CSMD3: variants seen among roughly 807,000 people sequenced by gnomAD.
CSMD3 encodes CUB and sushi domain-containing protein 3.
Under a neutral mutation model 435.2 loss-of-function variants are expected in CSMD3, and 177 were observed. The ratio of observed to expected loss-of-function variants is 0.41; its 90% CI spans 0.36 to 0.46. The LOEUF (loss-of-function observed/expected upper bound fraction) is 0.46. Among genes scored for constraint, CSMD3 ranks in the 20% least tolerant of loss-of-function variants. The pLI is 0.34. For synonymous variants in CSMD3, 1,656 were observed against 1,520.5 expected, an observed-to-expected ratio of 1.09 and a Z score of -2.07; for missense variants, 4,265 against 4,504.6, an observed-to-expected ratio of 0.95 and a Z score of 1.52.
In CSMD3 at chr8:113,134,313, T is replaced by C. The variant is rs75303633; in HGVS notation, c.710-35350A>G. Among the ~76,000 whole-genome samples, 54 of 152,202 alleles carry C rather than the reference T, an allele frequency of 3.5e-4. 2 individuals are homozygous for C. The East Asian group carries it at 0.01, about 29-fold the overall frequency. On this transcript the variant is annotated intron_variant, in intron 4 of 70. Coordinates refer to ENST00000297405, the MANE Select transcript of CSMD3 (RefSeq NM_198123.2). ...GGAATGCTTCATGTAGGCTTGAGGC[T>C]TTTATTTTGATTTAAAAGGCTATGT...
intron 2 of CSMD3, among the ~76,000 whole-genome samples, chr8:113,283,048 C>G (rs2093623387): frequency 6.6e-6 from 1 of 152,060 alleles, no homozygotes; most frequent in Admixed American, 6.6e-5. Context: ...AAGAATGAAA[C>G]TGGATCCTCA....
intron 1 of CSMD3, among the ~76,000 whole-genome samples, chr8:113,415,417 A>G (rs983106505): frequency 1.3e-5 from 2 of 152,198 alleles, no homozygotes; most frequent in South Asian, 2.1e-4. Context: ...GCTATGATGA[A>G]CACTAAAAAG....
chr8:113,144,826 T>C (rs544446280), intron 4 of CSMD3, among the ~76,000 whole-genome samples: 11 of 151,572 alleles, frequency 7.3e-5, no homozygotes, highest in Non-Finnish European at 1.3e-4. Context: ...AACCAAGTCA[T>C]ACAATCCTGG....
At chr8:112,677,715 GATTGGACTTAAACAGTGTTACA>G (rs547833270) in intron 16 of CSMD3, among the ~76,000 whole-genome samples, 27 of 152,068 alleles carry the variant, frequency 1.8e-4, no homozygotes, top group African/African-American at 6.3e-4. Context: ...GGTGCTAGAG[GATTGGACTTAAACAGTGTTACA>G]CAACTTCACA....
At chr8:113,071,954 C>G (rs940919579) in intron 5 of CSMD3, among the ~76,000 whole-genome samples, 1 of 151,674 alleles carries the variant, frequency 6.6e-6, no homozygotes, top group Non-Finnish European at 1.5e-5. Flanking sequence ...CTCAGGAGAT[C>G]TTTTCATTTA....
intron 2 of CSMD3, among the ~76,000 whole-genome samples, chr8:113,308,425 C>T (rs1309862036): frequency 1.3e-5 from 2 of 151,698 alleles, no homozygotes; most frequent in Non-Finnish European, 2.9e-5. Context: ...CCCAACACCA[C>T]GCCCGGCTGA....
intron 1 of CSMD3, among the ~76,000 whole-genome samples, chr8:113,329,113 A>AT (rs2094007323): frequency 6.6e-6 from 1 of 151,792 alleles, no homozygotes; most frequent in African/African-American, 2.4e-5. Flanking sequence ...CATTTTAAAA[A>AT]TAAGTGGTTA....
At chr8:112,505,970 C>T (rs1010203202) in intron 29 of CSMD3, among the ~76,000 whole-genome samples, 6 of 152,048 alleles carry the variant, frequency 3.9e-5, no homozygotes, top group African/African-American at 1.4e-4. Context: ...AAACTAAGCC[C>T]TGTATCATCC....
chr8:112,731,650 A>G (rs1342828400), intron 13 of CSMD3, among the ~76,000 whole-genome samples: 8 of 152,082 alleles, frequency 5.3e-5, no homozygotes, highest in Non-Finnish European at 1.0e-4. Flanking sequence ...TCAAATGCCA[A>G]TCCTTATTGC....
At chr8:112,312,075 A>G (rs79174916) in intron 49 of CSMD3, among the ~76,000 whole-genome samples, 1,626 of 152,286 alleles carry the variant, frequency 0.011, 9 homozygotes, top group South Asian at 0.016. Context: ...AATACTTACA[A>G]TTGTTTAATT....
chr8:112,346,262 A>G (rs761144190), intron 40 of CSMD3, 49 bp from the exon 41 acceptor site: 1 of 1,089,022 alleles, frequency 9.2e-7, no homozygotes. Context: ...GGAATAATTT[A>G]CTGTATTAAA....
At chr8:112,727,199 T>C (rs947179093) in intron 13 of CSMD3, among the ~76,000 whole-genome samples, 1 of 151,804 alleles carries the variant, frequency 6.6e-6, no homozygotes, top group Non-Finnish European at 1.5e-5. Flanking sequence ...ACATTTCATA[T>C]ATTGTGTTAA....
chr8:112,721,786 T>C (rs969132350), intron 13 of CSMD3, among the ~76,000 whole-genome samples: 2 of 152,136 alleles, frequency 1.3e-5, no homozygotes, highest in East Asian at 1.9e-4. Context: ...CAACCAGCGA[T>C]TAGCCTCCCA....
chr8:112,327,672 T>C (rs1823633285), intron 45 of CSMD3, among the ~76,000 whole-genome samples: 1 of 152,136 alleles, frequency 6.6e-6, no homozygotes, highest in Admixed American at 6.6e-5. Context: ...CCCCACCAAC[T>C]TTTAAACACC....
intron 2 of CSMD3, among the ~76,000 whole-genome samples, chr8:113,280,419 C>T (rs1051180857): frequency 2.0e-5 from 3 of 151,762 alleles, no homozygotes; most frequent in Admixed American, 6.6e-5. Context: ...GGAATTTATC[C>T]GTCTCTTCTA....
At chr8:112,270,623 T>G (rs1817441533) in intron 59 of CSMD3, among the ~76,000 whole-genome samples, 1 of 152,174 alleles carries the variant, frequency 6.6e-6, no homozygotes, top group South Asian at 2.1e-4. Flanking sequence ...TTTGTTTAAA[T>G]GATTTTTTAT....
chr8:113,431,149 C>A (rs2094670304), intron 1 of CSMD3, among the ~76,000 whole-genome samples: 1 of 152,150 alleles, frequency 6.6e-6, no homozygotes, highest in Admixed American at 6.5e-5. Flanking sequence ...CGTGAATCAC[C>A]CACCTGCTCA....
intron 3 of CSMD3, among the ~76,000 whole-genome samples, chr8:113,202,676 T>G (rs543348671): frequency 6.6e-6 from 1 of 152,266 alleles, no homozygotes; most frequent in Admixed American, 6.6e-5. Context: ...CCATCATTCT[T>G]AGAACCTTAT....
chr8:112,643,639 AT>A (rs145568279), intron 20 of CSMD3: 2,799 of 167,108 alleles, frequency 0.017, 79 homozygotes, highest in African/African-American at 0.064. Flanking sequence ...TTTAAACTCT[AT>A]TAATCTATTG....
Sources: allele counts gnomAD v4.1 joint callset (sites outside exome capture counted in the v4.1 genomes callset), GRCh38; gene constraint gnomAD v4.1.1; transcripts MANE v1.5; gene names NCBI Gene and HGNC (gene_info 2026-07-23, HGNC 2026-07-21).